Variants in COL5A2 observed in about 807,000 individuals in gnomAD.
COL5A2 encodes collagen alpha-2(V) chain.
A neutral mutation model predicts 208.2 loss-of-function variants in COL5A2; 23 were observed. That is an observed-to-expected ratio of 0.11 (90% CI 0.08 to 0.16). The LOEUF (loss-of-function observed/expected upper bound fraction) is 0.16. Among genes scored for constraint, COL5A2 ranks in the 10% least tolerant of loss-of-function variants. The pLI is 1.00. For missense variants in COL5A2, 1,590 were observed against 1,956.4 expected, an observed-to-expected ratio of 0.81 and a Z score of 3.53; for synonymous variants, 625 against 628.5, an observed-to-expected ratio of 0.99 and a Z score of 0.08.
At chr2:189,139,410 A>T (rs1193972431) in intron 1 of COL5A2, among the ~76,000 whole-genome samples, 6 of 152,160 alleles carry the variant, frequency 3.9e-5, no homozygotes, top group African/African-American at 1.4e-4. Flanking sequence ...AATCATACAC[A>T]TCCTAATTGA....
chr2:189,142,540 C>A (rs532185530), intron 1 of COL5A2, among the ~76,000 whole-genome samples: 1 of 151,988 alleles, frequency 6.6e-6, no homozygotes, highest in Non-Finnish European at 1.5e-5. Flanking sequence ...TAATGAATGT[C>A]CACTAAAGAA....
chr2:189,419,934 GAGGAA>G, the COL5A2 span, among the ~76,000 whole-genome samples: 1 of 139,522 alleles, frequency 7.2e-6, no homozygotes. Context: ...GAGGGGAGGA[GAGGAA>G]AGGAAAGGAA....
At chr2:189,280,144 T>C in the COL5A2 span, among the ~76,000 whole-genome samples, 1 of 152,126 alleles carries the variant, frequency 6.6e-6, no homozygotes, top group Non-Finnish European at 1.5e-5. Context: ...GAGAAACGAA[T>C]TTTTGGTGCG....
the COL5A2 span, among the ~76,000 whole-genome samples, chr2:189,296,749 C>T: frequency 6.6e-6 from 1 of 152,150 alleles, no homozygotes; most frequent in Non-Finnish European, 1.5e-5. Context: ...GACTGGAACT[C>T]CAAACTCTGT....
At chr2:189,340,736 C>T in the COL5A2 span, among the ~76,000 whole-genome samples, 11 of 152,302 alleles carry the variant, frequency 7.2e-5, no homozygotes, top group Admixed American at 2.0e-4. Context: ...TTGATTGTCA[C>T]CTCTCCTGGG....
chr2:189,197,962 G>T (rs1019965797), intron 1 of COL5A2, among the ~76,000 whole-genome samples: 7 of 151,652 alleles, frequency 4.6e-5, no homozygotes, highest in African/African-American at 1.7e-4. Context: ...CCATTCTCGT[G>T]CCTCAGCCTC....
At chr2:189,424,856 T>A in the COL5A2 span, among the ~76,000 whole-genome samples, 1 of 152,148 alleles carries the variant, frequency 6.6e-6, no homozygotes, top group Admixed American at 6.6e-5. Context: ...GCCAAAATCA[T>A]CTTAAGCAAA....
At chr2:189,079,764 A>G (rs539016198) in intron 14 of COL5A2, among the ~76,000 whole-genome samples, 4 of 152,280 alleles carry the variant, frequency 2.6e-5, no homozygotes, top group African/African-American at 9.6e-5. Flanking sequence ...ACTGGCAGAC[A>G]CCCAGTGCTA....
the COL5A2 span, among the ~76,000 whole-genome samples, chr2:189,271,590 T>C: frequency 0.033 from 4,974 of 152,244 alleles, 85 homozygotes; most frequent in Admixed American, 0.047. Context: ...ATTCAGGACA[T>C]AGGCATGGGC....
At chr2:189,246,718 G>A in the COL5A2 span, among the ~76,000 whole-genome samples, 1 of 152,208 alleles carries the variant, frequency 6.6e-6, no homozygotes, top group Non-Finnish European at 1.5e-5. Context: ...CAAATAATGG[G>A]CATACAGAGA....
the COL5A2 span, among the ~76,000 whole-genome samples, chr2:189,271,799 A>C: frequency 6.6e-6 from 1 of 152,220 alleles, no homozygotes; most frequent in Admixed American, 6.5e-5. Context: ...CAAGGAACTT[A>C]AACAAATTTA....
intron 3 of COL5A2, among the ~76,000 whole-genome samples, chr2:189,102,993 A>G (rs1330054553): frequency 6.6e-6 from 1 of 152,084 alleles, no homozygotes; most frequent in African/African-American, 2.4e-5. Flanking sequence ...GCAGCAAATG[A>G]CACAGCCTAC....
the COL5A2 span, among the ~76,000 whole-genome samples, chr2:189,416,483 T>C: frequency 6.6e-6 from 1 of 152,256 alleles, no homozygotes; most frequent in Admixed American, 6.5e-5. Context: ...ACACCGCATG[T>C]TCTCACTCAT....
the COL5A2 span, among the ~76,000 whole-genome samples, chr2:189,393,199 C>A: frequency 1.3e-4 from 19 of 151,824 alleles, no homozygotes; most frequent in South Asian, 1.3e-3. Context: ...GAAAAACACA[C>A]AAAAAAATTG....
intron 1 of COL5A2, among the ~76,000 whole-genome samples, chr2:189,126,929 G>T (rs1559116053): frequency 6.6e-6 from 1 of 151,966 alleles, no homozygotes; most frequent in Non-Finnish European, 1.5e-5. Context: ...CAAAACAAAA[G>T]AAATCCCTCT....
At position 189,098,731 on chromosome 2, in the gene COL5A2, G is replaced by A. The variant is rs374225489; in HGVS notation, c.398C>T (p.Pro133Leu). The A allele has an allele frequency of 1.6e-5, 25 of 1,612,316 alleles. No individual in the cohort carries two copies. Among genetic ancestry groups the A allele is most frequent in the Non-Finnish European group, 2.0e-5 (24 of 1,178,742 alleles). ...VVTGIRGRPG[P>L]AGPPGSQGPR... Reference sequence around the variant, plus strand: ...ATATTGGGAGAAACTACTTACTGCCGGTCCTGGACGACCACGTATGCCTGT... The same window carrying A: ...ATATTGGGAGAAACTACTTACTGCCAGTCCTGGACGACCACGTATGCCTGT... The change falls in exon 5 of 54, where the codon CCG becomes CTG. Residue 133 changes from proline to leucine, a missense_variant. Pro to Leu is a moderately conservative substitution (Grantham distance 98, BLOSUM62 -3). Transcript: ENST00000374866.
At chr2:189,133,483 C>T (rs1687766768) in intron 1 of COL5A2, among the ~76,000 whole-genome samples, 1 of 152,018 alleles carries the variant, frequency 6.6e-6, no homozygotes, top group Non-Finnish European at 1.5e-5. Context: ...GTGTTGGCTG[C>T]CTTTAATCAG....
intron 1 of COL5A2, among the ~76,000 whole-genome samples, chr2:189,126,887 G>A (rs1687617243): frequency 6.6e-6 from 1 of 152,068 alleles, no homozygotes; most frequent in East Asian, 1.9e-4. Flanking sequence ...TACCTATTAT[G>A]TGCCATTTCT....
the COL5A2 span, among the ~76,000 whole-genome samples, chr2:189,295,478 G>C: frequency 6.6e-6 from 1 of 152,074 alleles, no homozygotes; most frequent in Admixed American, 6.6e-5. Flanking sequence ...AGCCAGCTGT[G>C]GTGGCACGTG....
Sources: allele counts gnomAD v4.1 joint callset (sites outside exome capture counted in the v4.1 genomes callset), GRCh38; gene constraint gnomAD v4.1.1; transcripts MANE v1.5; gene names NCBI Gene and HGNC (gene_info 2026-07-23, HGNC 2026-07-21).